RPA3: variants seen among roughly 807,000 people sequenced by gnomAD.
The protein encoded by RPA3 is replication protein A 14 kDa subunit.
RPA3 carries 24 observed loss-of-function variants against 13.7 expected under a neutral mutation model. That is an observed-to-expected ratio of 1.75 (90% CI 1.27 to 2.46). The LOEUF (loss-of-function observed/expected upper bound fraction) is 2.46. Ranked by LOEUF, RPA3 falls within the 30% of genes most tolerant of loss-of-function variation. The pLI, the probability that RPA3 is intolerant of heterozygous loss-of-function variation, is 0.00. For synonymous variants in RPA3, 59 were observed against 51.2 expected (o/e 1.15, Z -0.65); for missense variants, 183 against 151.0 (o/e 1.21, Z -1.11).
At chr7:7,685,337 G>GTT in intron 4 of RPA3, among the ~76,000 whole-genome samples, 1 of 146,044 alleles carries the variant, frequency 6.8e-6, no homozygotes. Context: ...TTGAGACGGA[G>GTT]TCTTGCTCTG....
At chr7:7,694,034 A>G (rs1244583224) in intron 2 of RPA3, among the ~76,000 whole-genome samples, 1 of 152,110 alleles carries the variant, frequency 6.6e-6, no homozygotes, top group Admixed American at 6.6e-5. Context: ...GTTTTTTTCA[A>G]CTGAGTCATT....
At chr7:7,668,420 C>T (rs1459036004) in intron 4 of RPA3, among the ~76,000 whole-genome samples, 2 of 152,192 alleles carry the variant, frequency 1.3e-5, no homozygotes, top group African/African-American at 2.4e-5. Flanking sequence ...GAGAGGGGGA[C>T]CATATTCACA....
chr7:7,685,597 C>T (rs766743949), intron 4 of RPA3, among the ~76,000 whole-genome samples: 3 of 152,112 alleles, frequency 2.0e-5, no homozygotes, highest in Admixed American at 2.0e-4. Context: ...CGTGAGCCAC[C>T]GTGCCCGGCC....
chr7:7,704,766 C>CAAAAAAAAA (rs71011001), intron 2 of RPA3, among the ~76,000 whole-genome samples: 2 of 17,852 alleles, frequency 1.1e-4, no homozygotes, highest in East Asian at 5.6e-3. Context: ...GACTCCATCT[C>CAAAAAAAAA]AAAAAAAAAA....
intron 4 of RPA3, among the ~76,000 whole-genome samples, chr7:7,658,913 T>C (rs999391217): frequency 1.5e-4 from 23 of 152,298 alleles, no homozygotes; most frequent in African/African-American, 5.3e-4. Context: ...TGGTAGAATT[T>C]GGCTGTGAAT....
chr7:7,696,193 A>T (rs1458410766), intron 2 of RPA3, among the ~76,000 whole-genome samples: 8 of 150,860 alleles, frequency 5.3e-5, no homozygotes, highest in African/African-American at 2.0e-4. Context: ...TTTTGTAGAG[A>T]TGGGGGTTTT....
intron 4 of RPA3, among the ~76,000 whole-genome samples, chr7:7,646,442 G>C (rs1785094777): frequency 6.7e-6 from 1 of 149,444 alleles, no homozygotes; most frequent in Non-Finnish European, 1.5e-5. Flanking sequence ...AGTCTCACGA[G>C]ATCTGATGGC....
chr7:7,683,842 C>T (rs1024282956), intron 4 of RPA3, among the ~76,000 whole-genome samples: 6 of 152,006 alleles, frequency 3.9e-5, no homozygotes, highest in African/African-American at 1.5e-4. Context: ...AGGCCGGTCT[C>T]AAACTCCTGA....
chr7:7,663,261 A>G (rs1045701955), intron 4 of RPA3, among the ~76,000 whole-genome samples: 18 of 147,146 alleles, frequency 1.2e-4, no homozygotes, highest in African/African-American at 4.5e-4. Context: ...TGAAGCAAAC[A>G]CCTAAATCTA....
At chr7:7,640,259 C>G (rs750267257) in intron 5 of RPA3, 61 bp downstream of exon 5, 48 of 1,537,950 alleles carry the variant, frequency 3.1e-5, no homozygotes, top group Non-Finnish European at 5.4e-6. Context: ...CCCCCGTTAT[C>G]CAGGCGGGGT....
chr7:7,717,089 G>T (rs1380303368), intron 1 of RPA3, among the ~76,000 whole-genome samples: 1 of 146,460 alleles, frequency 6.8e-6, no homozygotes, highest in Non-Finnish European at 1.5e-5. Context: ...CGGAGTCTTG[G>T]TCTGTTGCCC....
chr7:7,659,940 C>G (rs1785433857), intron 4 of RPA3, among the ~76,000 whole-genome samples: 1 of 152,146 alleles, frequency 6.6e-6, no homozygotes, highest in Non-Finnish European at 1.5e-5. Flanking sequence ...GAGTCTAAGT[C>G]TCTTTGTAAG....
intron 6 of RPA3, 73 bp from the exon 7 acceptor site, chr7:7,638,045 T>C: frequency 9.4e-7 from 1 of 1,059,476 alleles, no homozygotes; most frequent in South Asian, 1.4e-5. Context: ...AAAACTGTTA[T>C]ACAGGTTACT....
chr7:7,656,981 T>C (rs1042742010), intron 4 of RPA3, among the ~76,000 whole-genome samples: 3 of 152,204 alleles, frequency 2.0e-5, no homozygotes, highest in African/African-American at 7.2e-5. Flanking sequence ...GCATCTGTTG[T>C]TTCCTGACTT....
In RPA3 at chr7:7,639,099, T is replaced by A; in HGVS notation, c.145A>T (p.Lys49Ter). 6.2e-7 allele frequency: 1 copy of A among 1,613,058 alleles called. No individual in the cohort carries two copies. Among genetic ancestry groups the A allele is most frequent in the African/African-American group, 1.3e-5 (1 of 75,014 alleles). Residue 49 changes from lysine (K) to a stop codon, truncating the protein, a stop_gained, in exon 6 of 8, where the codon AAA (lysine) becomes TAA (stop). Transcript: ENST00000223129. LOFTEE classifies it high-confidence loss of function. ...KMFILSDGEG[K>*]NGTIELMEPL... ...TCCATCAACTCGATGGTTCCATTTT[T>A]TCCTTCTCCATCTGAAAGAATAAAC...
chr7:7,676,803 A>G (rs1308071072), intron 4 of RPA3, among the ~76,000 whole-genome samples: 2 of 152,302 alleles, frequency 1.3e-5, no homozygotes, highest in Middle Eastern at 3.4e-3. Flanking sequence ...GTGGTGAAGA[A>G]CTTAACTGAA....
chr7:7,652,503 T>G lies in RPA3; in HGVS notation c.-757-11328A>C, dbSNP rs28916273. Among the ~76,000 whole-genome samples, 215 of 152,360 alleles carry G rather than the reference T, an allele frequency of 1.4e-3. 2 individuals carry two copies. The highest frequency in any genetic ancestry group is 4.8e-3 in the African/African-American group (199 of 41,584). ...ATTTTTGACTAGACTAGAATGTGAG[T>G]AACATTTTGCATGGTTAATGCATGG... On this transcript the variant is annotated intron_variant, in intron 4 of 7. Coordinates refer to ENST00000223129, the MANE Select transcript of RPA3 (RefSeq NM_002947.5).
chr7:7,691,732 T>A (rs958113229), intron 2 of RPA3, among the ~76,000 whole-genome samples: 2 of 152,208 alleles, frequency 1.3e-5, no homozygotes, highest in Non-Finnish European at 2.9e-5. Context: ...GACTGACAAA[T>A]CCCTAATTTA....
intron 2 of RPA3, among the ~76,000 whole-genome samples, chr7:7,711,224 T>C (rs948333998): frequency 2.0e-5 from 3 of 152,200 alleles, no homozygotes; most frequent in African/African-American, 7.2e-5. Context: ...TATTTCCATA[T>C]AATTTCTCCA....
Sources: gnomAD v4.1 joint callset for allele counts (sites outside exome capture counted in the v4.1 genomes callset) on GRCh38, gnomAD v4.1.1 for gene constraint, MANE v1.5 for transcripts, NCBI Gene and HGNC (gene_info 2026-07-23, HGNC 2026-07-21) for gene names.